VAMP4: variants seen among roughly 807,000 people sequenced by gnomAD.
VAMP4 encodes vesicle associated membrane protein 4, also known as vesicle-associated membrane protein 4.
VAMP4 carries 19 observed loss-of-function variants against 23.5 expected under a neutral mutation model. That is an observed-to-expected ratio of 0.81 (90% CI 0.56 to 1.19). The LOEUF (loss-of-function observed/expected upper bound fraction) is 1.19. VAMP4 is among the 50% of genes most tolerant of loss of function. The pLI, the probability that VAMP4 is intolerant of heterozygous loss-of-function variation, is 0.00. For synonymous variants in VAMP4, 31 were observed against 51.0 expected (o/e 0.61, Z 1.67); for missense variants, 145 against 168.6 (o/e 0.86, Z 0.78).
intron 3 of VAMP4, among the ~76,000 whole-genome samples, chr1:171,719,599 A>G (rs1336677369): frequency 2.0e-5 from 3 of 152,134 alleles, no homozygotes; most frequent in Non-Finnish European, 4.4e-5. Flanking sequence ...CTGTAGAACT[A>G]AAAGCGCAAT....
Position 171,738,392 on chromosome 1 carries a change from TG to T in VAMP4, c.22del (p.His8ThrfsTer11). 1 of 1,614,150 alleles carries T rather than the reference TG, an allele frequency of 6.2e-7. No individual in the cohort carries two copies. The highest frequency in any genetic ancestry group is 8.5e-7 in the Non-Finnish European group (1 of 1,180,028). The part of the protein sequence containing the change: MPPKFKR[H>X]LNDDDVTGSV... ...ACCTGTGACATCATCATCATTGAGG[TG>T]GCGCTTAAACTTGGGAGGCATATTT... is the stretch of plus-strand genomic sequence containing the variant. On this transcript the variant is annotated frameshift_variant, in exon 2 of 8. Transcript: ENST00000236192. LOFTEE classifies it high-confidence loss of function.
At chr1:171,723,505 T>C (rs1043964912) in intron 3 of VAMP4, among the ~76,000 whole-genome samples, 1 of 152,236 alleles carries the variant, frequency 6.6e-6, no homozygotes, top group Non-Finnish European at 1.5e-5. Context: ...AATTCAGTGA[T>C]ATTTCTCCTA....
intron 2 of VAMP4, 40 bp from the exon 3 acceptor site, chr1:171,728,610 A>G (rs773911880): frequency 6.5e-7 from 1 of 1,539,114 alleles, no homozygotes; most frequent in Non-Finnish European, 8.7e-7. Flanking sequence ...TCAGATTCAG[A>G]GGGCTTATAA....
intron 7 of VAMP4, among the ~76,000 whole-genome samples, chr1:171,706,112 T>C (rs1654641989): frequency 1.3e-5 from 2 of 151,504 alleles, no homozygotes; most frequent in Admixed American, 1.3e-4. Context: ...AGAACAGGAG[T>C]TCCCTTTGAG....
chr1:171,738,500 T>C lies in VAMP4; in HGVS notation c.-49-37A>G, dbSNP rs1655815650. ...AATAAATTTCATCAGATTTGAGACT[T>C]TGGGGCATAAGCTAATGTACTTAAA... On this transcript the variant is annotated intron_variant, in intron 1 of 7. Transcript: ENST00000236192. The C allele has an allele frequency of 8.0e-6, 11 of 1,369,634 alleles. No individual in the cohort carries two copies. In the South Asian group the frequency reaches 9.7e-5, roughly 12 times the overall value. The allele number at this position is 1,369,634 out of a possible 1,614,324, so 84.8% of individuals were successfully genotyped here.
At chr1:171,732,330 T>C (rs1655590439) in intron 2 of VAMP4, among the ~76,000 whole-genome samples, 1 of 138,928 alleles carries the variant, frequency 7.2e-6, no homozygotes, top group Non-Finnish European at 1.5e-5. Flanking sequence ...AGACCAGCAC[T>C]GGCAACATAG....
At chr1:171,734,132 G>A (rs1432688583) in intron 2 of VAMP4, among the ~76,000 whole-genome samples, 1 of 152,046 alleles carries the variant, frequency 6.6e-6, no homozygotes, top group Non-Finnish European at 1.5e-5. Flanking sequence ...GCTGGGCGTG[G>A]TGGTGTACGC....
At chr1:171,725,403 C>G (rs767314914) in intron 3 of VAMP4, among the ~76,000 whole-genome samples, 5 of 152,048 alleles carry the variant, frequency 3.3e-5, no homozygotes, top group Non-Finnish European at 7.4e-5. Flanking sequence ...GAGTTCAAGA[C>G]CAGCCTGGCC....
intron 2 of VAMP4, 89 bp from the exon 3 acceptor site, chr1:171,728,659 T>G: frequency 7.8e-7 from 1 of 1,276,668 alleles, no homozygotes; most frequent in African/African-American, 1.5e-5. Context: ...CCTATACTAG[T>G]GAAATTTCTT....
At chr1:171,716,388 T>C (rs114966893) in intron 4 of VAMP4, among the ~76,000 whole-genome samples, 89 of 152,368 alleles carry the variant, frequency 5.8e-4, no homozygotes, top group African/African-American at 2.1e-3. Flanking sequence ...ACTCCATTCC[T>C]TTGGAGCTGG....
At chr1:171,704,642 G>A (rs538080629) in intron 7 of VAMP4, 108 bp from the exon 8 acceptor site, 218 of 824,790 alleles carry the variant, frequency 2.6e-4, no homozygotes, top group Non-Finnish European at 9.4e-5. Context: ...AATGGGTAAT[G>A]AGGATTGACT....
Position 171,703,994 on chromosome 1 carries a change from TTTG to T in VAMP4, c.*509_*511del, listed in dbSNP as rs1264784935. On this transcript the variant is annotated 3_prime_UTR_variant, in exon 8 of 8. Coordinates refer to ENST00000236192, the MANE Select transcript of VAMP4 (RefSeq NM_003762.5). Reference sequence around the variant, plus strand: ...GCAACAACATTTACAACATTTAGCTTTTGTTACACCTATAAATGTGGAAATTGC... The same window carrying T: ...GCAACAACATTTACAACATTTAGCTTTTACACCTATAAATGTGGAAATTGC... 1 of 152,462 alleles carries T rather than the reference TTTG, an allele frequency of 6.6e-6. No homozygotes were observed. The highest frequency in any genetic ancestry group is 1.5e-5 in the Non-Finnish European group (1 of 67,926). The allele number at this position is 152,462 out of a possible 1,614,324, so 9.4% of individuals were successfully genotyped here.
rs1654727083 is a variant in VAMP4, at chr1:171,708,239, CTG to C, written c.345+1424_345+1425del. Among the ~76,000 whole-genome samples the C allele has an allele frequency of 4.0e-5, 6 of 149,370 alleles. No homozygotes were observed. In the South Asian group the frequency reaches 1.3e-3, roughly 32 times the overall value. On this transcript the variant is annotated intron_variant, in intron 6 of 7. Transcript: ENST00000236192. ...GCTTGAACCTGGGCTACTTAGGAGG[CTG>C]AGGCATGAGAATCACTTGAACCTAG...
rs773812906 is a variant in VAMP4 at position 171,709,770 on chromosome 1, A to T, written c.266-26T>A. The T allele has an allele frequency of 3.2e-6, 5 of 1,558,308 alleles. No individual in the cohort carries two copies. In the East Asian group the frequency reaches 9.0e-5, roughly 28 times the overall value. ...CTATATCACATAGAGGATGGAGAGAAGGATTAAACGACATAACAGGATTCT... is the reference window on the plus strand; with the variant it reads ...CTATATCACATAGAGGATGGAGAGATGGATTAAACGACATAACAGGATTCT... On this transcript the variant is annotated intron_variant, in intron 5 of 7. Coordinates refer to ENST00000236192, the MANE Select transcript of VAMP4 (RefSeq NM_003762.5).
rs201468268 is a variant in VAMP4 at position 171,709,757 on chromosome 1, G to A, written c.266-13C>T. On this transcript the variant is annotated splice_polypyrimidine_tract_variant and intron_variant, in intron 5 of 7. Coordinates refer to ENST00000236192, the MANE Select transcript of VAMP4 (RefSeq NM_003762.5). ...TCCGATAAGCTTTCTATATCACATA[G>A]AGGATGGAGAGAAGGATTAAACGAC... The A allele has an allele frequency of 1.3e-6, 2 of 1,594,842 alleles. No homozygotes were observed. Among genetic ancestry groups the A allele is most frequent in the African/African-American group, 1.3e-5 (1 of 74,554 alleles).
chr1:171,709,710 G>T lies in VAMP4; in HGVS notation c.300C>A (p.Asn100Lys). ...SLSDNATAFS[N>K]RSKQLRRQMW... The stretch of plus-strand genomic sequence containing the variant: ...TTTGCCTTCGAAGTTGTTTGGATCT[G>T]TTGCTAAAAGCTGTTGCATTATCCG... The change falls in exon 6 of 8, where the codon AAC becomes AAA. Residue 100 changes from asparagine to lysine, a missense_variant. Coordinates refer to ENST00000236192, the MANE Select transcript of VAMP4 (RefSeq NM_003762.5). 6.2e-7 allele frequency: 1 copy of T among 1,613,168 alleles called. No homozygotes were observed.
At chr1:171,733,834 A>G (rs1425411344) in intron 2 of VAMP4, among the ~76,000 whole-genome samples, 1 of 152,208 alleles carries the variant, frequency 6.6e-6, no homozygotes, top group Non-Finnish European at 1.5e-5. Flanking sequence ...TTAGGTATAC[A>G]CCAAAGAGAA....
intron 6 of VAMP4, among the ~76,000 whole-genome samples, chr1:171,709,047 T>C (rs879729831): frequency 2.6e-5 from 4 of 152,002 alleles, no homozygotes; most frequent in Admixed American, 1.3e-4. Flanking sequence ...TTTCTGTTAA[T>C]GATTAGTAGC....
rs769586791 is a variant in VAMP4, at chr1:171,701,013, G to A, written c.*3493C>T. 2 of 151,928 alleles carry A rather than the reference G, an allele frequency of 1.3e-5. No homozygotes were observed. Among genetic ancestry groups the A allele is most frequent in the Non-Finnish European group, 2.9e-5 (2 of 67,988 alleles). 9.4% of individuals were successfully genotyped at this position (151,928 alleles called of 1,614,324 possible). The stretch of plus-strand genomic sequence containing the variant: ...AAAATCAGAATAAGACTATCTCAAA[G>A]TATTAAAGAGGATCTAAACCCTACA... On this transcript the variant is annotated 3_prime_UTR_variant, in exon 8 of 8. Coordinates refer to ENST00000236192, the MANE Select transcript of VAMP4 (RefSeq NM_003762.5).
Sources: gnomAD v4.1 joint callset for allele counts (sites outside exome capture counted in the v4.1 genomes callset) on GRCh38, gnomAD v4.1.1 for gene constraint, MANE v1.5 for transcripts, NCBI Gene and HGNC (gene_info 2026-07-23, HGNC 2026-07-21) for gene names.